The following TBC1D8 variants were observed in gnomAD, a reference collection of about 807,000 sequenced individuals.
The protein encoded by TBC1D8 is TBC1 domain family member 8, also known as BUB2-like protein 1.
A neutral mutation model predicts 118.8 loss-of-function variants in TBC1D8; 65 were observed. The observed-to-expected ratio is 0.55, with a 90% CI of 0.45 to 0.67. TBC1D8 has a LOEUF of 0.67. TBC1D8 is among the 30% of genes least tolerant of loss of function. TBC1D8 has a pLI of 0.00. For synonymous variants in TBC1D8, 566 were observed against 595.8 expected (o/e 0.95, Z 0.73); for missense variants, 1,376 against 1,471.2 (o/e 0.94, Z 1.06).
At chr2:101,093,143 T>C (rs1676153740) in intron 1 of TBC1D8, among the ~76,000 whole-genome samples, 1 of 152,228 alleles carries the variant, frequency 6.6e-6, no homozygotes, top group Non-Finnish European at 1.5e-5. Flanking sequence ...ACTTTCTTTA[T>C]TGTAAGAACA....
intron 2 of TBC1D8, among the ~76,000 whole-genome samples, chr2:101,075,259 G>A (rs568740998): frequency 5.9e-5 from 9 of 152,030 alleles, no homozygotes; most frequent in East Asian, 5.8e-4. Flanking sequence ...TTAGCCAGGC[G>A]TGGTGGCACG....
chr2:101,033,157 G>GC (rs1466359645), intron 10 of TBC1D8, among the ~76,000 whole-genome samples: 2 of 149,190 alleles, frequency 1.3e-5, no homozygotes, highest in Non-Finnish European at 3.0e-5. Flanking sequence ...TCGCTCTGTT[G>GC]CCAGGCTGGA....
At chr2:101,127,443 C>T (rs1027812997) in intron 1 of TBC1D8, among the ~76,000 whole-genome samples, 5 of 152,138 alleles carry the variant, frequency 3.3e-5, no homozygotes, top group African/African-American at 1.2e-4. Context: ...CAACTCACTT[C>T]ATACACCACT....
intron 1 of TBC1D8, among the ~76,000 whole-genome samples, chr2:101,149,875 T>G (rs927492814): frequency 9.2e-5 from 14 of 152,144 alleles, no homozygotes; most frequent in Non-Finnish European, 1.8e-4. Flanking sequence ...TTGCCCAAGT[T>G]GAGTCCTTGT....
chr2:101,097,198 C>T (rs1167365988), intron 1 of TBC1D8, among the ~76,000 whole-genome samples: 7 of 151,494 alleles, frequency 4.6e-5, no homozygotes, highest in African/African-American at 1.7e-4. Context: ...GAAAAAAAAA[C>T]CTAGAATTCT....
chr2:101,069,917 CTTTTT>C (rs58885143), intron 2 of TBC1D8, among the ~76,000 whole-genome samples: 1 of 142,478 alleles, frequency 7.0e-6, no homozygotes, highest in Non-Finnish European at 1.5e-5. Context: ...AGCATGTTTA[CTTTTT>C]TTTTTTTTTT....
Position 101,022,510 on chromosome 2 carries a change from C to T in TBC1D8, c.2532G>A (p.Met844Ile), listed in dbSNP as rs761796481. ...ELYDLFKREH[M>I]MSCYWEQPRP... ...TGGGCTGCTCCCAGTAACAGCTCAT[C>T]ATATGTTCTCTCTTCAAACAAGAGG... The change falls in exon 16 of 20, where the codon ATG becomes ATA. Residue 844 changes from methionine to isoleucine, a missense_variant. Coordinates refer to ENST00000409318, the MANE Select transcript of TBC1D8 (RefSeq NM_001330348.2). 49 of 1,591,914 alleles carry T rather than the reference C, an allele frequency of 3.1e-5. No homozygotes were observed. The highest frequency in any genetic ancestry group is 6.8e-5 in the African/African-American group (5 of 73,650).
intron 5 of TBC1D8, among the ~76,000 whole-genome samples, chr2:101,041,166 T>A (rs1358317757): frequency 1.3e-5 from 2 of 152,192 alleles, no homozygotes; most frequent in African/African-American, 4.8e-5. Context: ...GACTTAACAC[T>A]TGACCAAGAA....
chr2:101,072,809 T>C (rs750692901), intron 2 of TBC1D8, among the ~76,000 whole-genome samples: 1 of 152,004 alleles, frequency 6.6e-6, no homozygotes, highest in Non-Finnish European at 1.5e-5. Context: ...TGGTACCAAA[T>C]TGGTACTAAT....
chr2:101,087,074 G>A (rs534666315), intron 2 of TBC1D8, among the ~76,000 whole-genome samples: 1 of 152,038 alleles, frequency 6.6e-6, no homozygotes, highest in South Asian at 2.1e-4. Flanking sequence ...GTGAGCCACC[G>A]CGCCCGGCTG....
intron 2 of TBC1D8, among the ~76,000 whole-genome samples, chr2:101,076,076 AG>A (rs1408387074): frequency 6.6e-6 from 1 of 152,250 alleles, no homozygotes; most frequent in Non-Finnish European, 1.5e-5. Flanking sequence ...GCAGATGACC[AG>A]GGCACCAACT....
At chr2:101,032,632 G>T in intron 10 of TBC1D8, 1 of 443,668 alleles carries the variant, frequency 2.3e-6, no homozygotes. Flanking sequence ...GTGGAATTTA[G>T]CTGTGGTGCA....
At chr2:101,105,744 C>G (rs1024302796) in intron 1 of TBC1D8, among the ~76,000 whole-genome samples, 3 of 151,940 alleles carry the variant, frequency 2.0e-5, no homozygotes, top group African/African-American at 7.3e-5. Flanking sequence ...TGTGTAGCAG[C>G]AGGGACTCAT....
chr2:101,121,804 G>A (rs1009515937), intron 1 of TBC1D8, among the ~76,000 whole-genome samples: 6 of 152,166 alleles, frequency 3.9e-5, no homozygotes, highest in East Asian at 1.9e-4. Context: ...AGTGGCTCAC[G>A]CCTGTAATCC....
At chr2:101,138,452 C>T (rs2104272791) in intron 1 of TBC1D8, among the ~76,000 whole-genome samples, 1 of 152,240 alleles carries the variant, frequency 6.6e-6, no homozygotes, top group South Asian at 2.1e-4. Flanking sequence ...GGAATTAGTG[C>T]AGGTTAAAGG....
chr2:101,040,579 C>T (rs894984902), intron 5 of TBC1D8, among the ~76,000 whole-genome samples, 194 bp from the exon 6 acceptor site: 4 of 152,242 alleles, frequency 2.6e-5, no homozygotes, highest in Non-Finnish European at 5.9e-5. Context: ...AAGTGACTGT[C>T]CTGCCTCAGC....
intron 5 of TBC1D8, among the ~76,000 whole-genome samples, chr2:101,044,738 C>T (rs892019146): frequency 5.3e-5 from 8 of 152,076 alleles, no homozygotes; most frequent in Non-Finnish European, 1.2e-4. Context: ...TGGGAGAAAG[C>T]GCCACCAATC....
At chr2:101,095,166 G>C (rs1208960771) in intron 1 of TBC1D8, among the ~76,000 whole-genome samples, 1 of 152,044 alleles carries the variant, frequency 6.6e-6, no homozygotes, top group Non-Finnish European at 1.5e-5. Flanking sequence ...GGCCCTTTCA[G>C]GGCAAAGGGA....
At chr2:101,132,436 T>A (rs1678636149) in intron 1 of TBC1D8, among the ~76,000 whole-genome samples, 1 of 152,358 alleles carries the variant, frequency 6.6e-6, no homozygotes, top group African/African-American at 2.4e-5. Flanking sequence ...CTCCCTTCAG[T>A]ACAGTATGTA....
Sources: allele counts gnomAD v4.1 joint callset (sites outside exome capture counted in the v4.1 genomes callset), GRCh38; gene constraint gnomAD v4.1.1; transcripts MANE v1.5; gene names NCBI Gene and HGNC (gene_info 2026-07-23, HGNC 2026-07-21).